THSD7B: variants seen among roughly 807,000 people sequenced by gnomAD.
THSD7B encodes the protein thrombospondin type-1 domain-containing protein 7B.
A neutral mutation model predicts 213.6 loss-of-function variants in THSD7B; 138 were observed. The observed-to-expected ratio is 0.65, with a 90% CI of 0.56 to 0.74. The LOEUF is 0.74. Ranked by LOEUF, THSD7B falls within the 30% of genes least tolerant of loss-of-function variation. The pLI, the probability that THSD7B is intolerant of heterozygous loss-of-function variation, is 0.00. For missense variants in THSD7B, 1,931 were observed against 1,991.5 expected, an observed-to-expected ratio of 0.97 and a Z score of 0.58; for synonymous variants, 742 against 687.0, an observed-to-expected ratio of 1.08 and a Z score of -1.25.
intron 12 of THSD7B, among the ~76,000 whole-genome samples, chr2:137,293,286 G>A (rs114606917): frequency 0.024 from 3,649 of 151,860 alleles, 135 homozygotes; most frequent in African/African-American, 0.082. Context: ...TGACAGGTGC[G>A]TGCCACCACT....
At chr2:136,850,479 T>C (rs1683081143) in intron 1 of THSD7B, among the ~76,000 whole-genome samples, 1 of 152,076 alleles carries the variant, frequency 6.6e-6, no homozygotes, top group Non-Finnish European at 1.5e-5. Flanking sequence ...CCCTCAGTGA[T>C]GTCAATTTTT....
intron 10 of THSD7B, among the ~76,000 whole-genome samples, chr2:137,263,250 C>T (rs1682494041): frequency 6.6e-6 from 1 of 151,504 alleles, no homozygotes; most frequent in Non-Finnish European, 1.5e-5. Context: ...ATTTCAAGTT[C>T]ACTATATATA....
At chr2:136,853,581 T>A (rs971498584) in intron 1 of THSD7B, among the ~76,000 whole-genome samples, 1 of 152,160 alleles carries the variant, frequency 6.6e-6, no homozygotes, top group Non-Finnish European at 1.5e-5. Flanking sequence ...CTCTACATAC[T>A]TTACCTTTAA....
At chr2:136,954,081 G>A (rs947558412) in intron 2 of THSD7B, among the ~76,000 whole-genome samples, 2 of 152,188 alleles carry the variant, frequency 1.3e-5, no homozygotes, top group Admixed American at 1.3e-4. Flanking sequence ...TAGGAGCTGA[G>A]AACATGGGCA....
At chr2:137,293,629 C>A (rs1683390736) in intron 12 of THSD7B, among the ~76,000 whole-genome samples, 1 of 151,906 alleles carries the variant, frequency 6.6e-6, no homozygotes, top group Non-Finnish European at 1.5e-5. Context: ...CTTGTTATTC[C>A]AATATTCTGT....
intron 7 of THSD7B, among the ~76,000 whole-genome samples, chr2:137,215,917 G>A (rs1483069074): frequency 6.6e-6 from 1 of 152,156 alleles, no homozygotes; most frequent in Non-Finnish European, 1.5e-5. Context: ...AATAAAGATA[G>A]TGAAATTCTA....
intron 12 of THSD7B, among the ~76,000 whole-genome samples, chr2:137,362,428 C>T (rs1238204616): frequency 6.6e-6 from 1 of 152,134 alleles, no homozygotes; most frequent in Admixed American, 6.5e-5. Context: ...AGTTAAAAGA[C>T]ACAGACTGGC....
chr2:137,522,267 T>C (rs928214169), intron 15 of THSD7B, among the ~76,000 whole-genome samples: 4 of 152,190 alleles, frequency 2.6e-5, no homozygotes, highest in African/African-American at 7.2e-5. Context: ...AGAGGGATAG[T>C]GTAGAAATGG....
intron 17 of THSD7B, among the ~76,000 whole-genome samples, chr2:137,605,366 A>G (rs974956910): frequency 8.5e-5 from 13 of 152,118 alleles, no homozygotes; most frequent in African/African-American, 2.7e-4. Context: ...ATAGTGCACA[A>G]CTCAGAGGCC....
intron 1 of THSD7B, among the ~76,000 whole-genome samples, chr2:136,864,843 T>C (rs991151328): frequency 6.6e-5 from 10 of 152,328 alleles, no homozygotes; most frequent in Admixed American, 4.6e-4. Context: ...TGAGCCACCG[T>C]GCCTGGCCTA....
At chr2:136,855,540 C>T (rs1683163972) in intron 1 of THSD7B, among the ~76,000 whole-genome samples, 1 of 152,150 alleles carries the variant, frequency 6.6e-6, no homozygotes, top group South Asian at 2.1e-4. Context: ...ATTCTCCAGC[C>T]TCAGCCTCCT....
rs1435972155 is a variant in THSD7B, at chr2:137,258,966, A to G, written c.2267-13567A>G. On this transcript the variant is annotated intron_variant, in intron 10 of 27. Transcript: ENST00000409968. ...TCTTCTGTTCCTGCGTTAGTTTGCTAAGAGTGATGACTTCTGGCTTCATCC... is the reference window on the plus strand; with the variant it reads ...TCTTCTGTTCCTGCGTTAGTTTGCTGAGAGTGATGACTTCTGGCTTCATCC... 1.3e-5 allele frequency among the ~76,000 whole-genome samples: 2 copies of G among 152,016 alleles called. 1 individual carries two copies. The highest frequency in any genetic ancestry group is 4.1e-4 in the South Asian group (2 of 4,820).
chr2:137,322,090 A>T (rs534627592), intron 12 of THSD7B, among the ~76,000 whole-genome samples: 2 of 152,358 alleles, frequency 1.3e-5, no homozygotes, highest in East Asian at 3.9e-4. Context: ...AAGGTTGTCA[A>T]GTGTTAATAC....
chr2:136,861,576 G>A (rs1558829497), intron 1 of THSD7B, among the ~76,000 whole-genome samples: 2 of 152,114 alleles, frequency 1.3e-5, no homozygotes, highest in Non-Finnish European at 2.9e-5. Context: ...CCATGAATCT[G>A]GTTTGCTCCA....
chr2:137,615,161 A>C (rs1174726804), intron 17 of THSD7B, among the ~76,000 whole-genome samples: 1 of 152,188 alleles, frequency 6.6e-6, no homozygotes, highest in African/African-American at 2.4e-5. Flanking sequence ...AACATGCCCT[A>C]AAGGAATTAG....
intron 4 of THSD7B, among the ~76,000 whole-genome samples, chr2:137,107,473 C>A (rs1401897174): frequency 6.6e-6 from 1 of 152,144 alleles, no homozygotes; most frequent in Non-Finnish European, 1.5e-5. Flanking sequence ...CACCACGGCA[C>A]GTGTATCCCT....
At chr2:137,327,077 T>G (rs1408039543) in intron 12 of THSD7B, among the ~76,000 whole-genome samples, 1 of 152,338 alleles carries the variant, frequency 6.6e-6, no homozygotes, top group Non-Finnish European at 1.5e-5. Flanking sequence ...TTTCCTTCCC[T>G]TGGTAGTGAG....
chr2:137,490,586 A>AT (rs1004578865), intron 15 of THSD7B, among the ~76,000 whole-genome samples: 3 of 152,258 alleles, frequency 2.0e-5, no homozygotes, highest in South Asian at 2.1e-4. Context: ...AGAGTGCTAC[A>AT]TTTTTTACAG....
At chr2:137,090,395 T>G (rs1397231123) in intron 3 of THSD7B, among the ~76,000 whole-genome samples, 1 of 152,110 alleles carries the variant, frequency 6.6e-6, no homozygotes, top group South Asian at 2.1e-4. Flanking sequence ...ACTCTATTTT[T>G]CTATATGTGC....
Sources: allele counts gnomAD v4.1 joint callset (sites outside exome capture counted in the v4.1 genomes callset), GRCh38; gene constraint gnomAD v4.1.1; transcripts MANE v1.5; gene names NCBI Gene and HGNC (gene_info 2026-07-23, HGNC 2026-07-21).